Variants in SEMA3C observed in about 807,000 individuals in gnomAD.
SEMA3C encodes the protein semaphorin 3C.
Under a neutral mutation model 89.4 loss-of-function variants are expected in SEMA3C, and 47 were observed. That is an observed-to-expected ratio of 0.53 (90% CI 0.42 to 0.67). SEMA3C has a LOEUF of 0.67. SEMA3C is among the 30% of genes least tolerant of loss of function. The pLI is 0.00. For synonymous variants in SEMA3C, 310 were observed against 320.2 expected, an observed-to-expected ratio of 0.97 and a Z score of 0.34; for missense variants, 839 against 929.1, an observed-to-expected ratio of 0.90 and a Z score of 1.26.
chr7:80,752,904 T>A (rs1412994714), intron 15 of SEMA3C, among the ~76,000 whole-genome samples: 1 of 152,146 alleles, frequency 6.6e-6, no homozygotes, highest in African/African-American at 2.4e-5. Flanking sequence ...CTTAATTGGG[T>A]TAAATGCTAA....
At chr7:80,774,008 T>C (rs1788491844) in intron 12 of SEMA3C, among the ~76,000 whole-genome samples, 1 of 152,160 alleles carries the variant, frequency 6.6e-6, no homozygotes, top group African/African-American at 2.4e-5. Context: ...AAGGCTGAGA[T>C]TTTAAAAGTG....
At chr7:80,873,901 A>C (rs1245838681) in intron 2 of SEMA3C, among the ~76,000 whole-genome samples, 1 of 152,042 alleles carries the variant, frequency 6.6e-6, no homozygotes, top group Non-Finnish European at 1.5e-5. Context: ...TCCTAGCCTT[A>C]TTTGCACCAT....
At chr7:80,856,115 T>C (rs1790632313) in intron 2 of SEMA3C, among the ~76,000 whole-genome samples, 1 of 152,138 alleles carries the variant, frequency 6.6e-6, no homozygotes. Flanking sequence ...TTTTGGAGTA[T>C]TTTTAAATTT....
intron 2 of SEMA3C, among the ~76,000 whole-genome samples, chr7:80,872,502 T>C (rs753060794): frequency 2.3e-4 from 35 of 152,034 alleles, no homozygotes; most frequent in Non-Finnish European, 4.3e-4. Context: ...TCTGTTTTAA[T>C]AGAAGATTGC....
rs188817574 is a variant in SEMA3C, at chr7:80,788,832, A to G, written c.1354+474T>C. ...GAAGTCACAGAGTCTGTTTCAGTTGAAAGGAACACTTACCTCCATGGCTTA... is the reference window on the plus strand; with the variant it reads ...GAAGTCACAGAGTCTGTTTCAGTTGGAAGGAACACTTACCTCCATGGCTTA... On this transcript the variant is annotated intron_variant, in intron 12 of 17. Transcript: ENST00000265361. Among the ~76,000 whole-genome samples the G allele has an allele frequency of 6.2e-3, 944 of 152,280 alleles. 18 individuals carry two copies. Among genetic ancestry groups the G allele is most frequent in the Non-Finnish European group, 6.3e-3 (427 of 68,012 alleles).
intron 14 of SEMA3C, among the ~76,000 whole-genome samples, chr7:80,760,577 G>A (rs1166717583): frequency 6.6e-6 from 1 of 152,164 alleles, no homozygotes; most frequent in Non-Finnish European, 1.5e-5. Context: ...TCAAAAGAGT[G>A]TAAGACTGAC....
chr7:80,750,435 C>CATAT (rs71520704), intron 16 of SEMA3C, among the ~76,000 whole-genome samples: 731 of 70,616 alleles, frequency 0.01, 1 homozygote, highest in African/African-American at 0.017. Context: ...TACATACGTA[C>CATAT]ATATATATAT....
chr7:80,853,115 A>T (rs1215727246), intron 2 of SEMA3C, among the ~76,000 whole-genome samples: 1 of 152,192 alleles, frequency 6.6e-6, no homozygotes, highest in African/African-American at 2.4e-5. Flanking sequence ...AAAAACAGAC[A>T]CTAACGAATG....
At chr7:80,769,548 TAAAGATGAGCTAATAAAAAGATAATGC>T (rs1788378893) in intron 12 of SEMA3C, among the ~76,000 whole-genome samples, 1 of 152,056 alleles carries the variant, frequency 6.6e-6, no homozygotes, top group Non-Finnish European at 1.5e-5. Flanking sequence ...AGAAGGGCTA[TAAAGATGAGCTAATAAAAAGATAATGC>T]AGGCCGGGCA....
intron 2 of SEMA3C, among the ~76,000 whole-genome samples, chr7:80,840,974 T>C (rs1256002026): frequency 6.6e-6 from 1 of 152,128 alleles, no homozygotes; most frequent in Non-Finnish European, 1.5e-5. Context: ...AAAGTTTGCG[T>C]AGAAACCCTC....
At chr7:80,800,950 T>C in intron 9 of SEMA3C, 124 bp from the exon 10 acceptor site, 1 of 481,538 alleles carries the variant, frequency 2.1e-6, no homozygotes, top group Non-Finnish European at 3.7e-6. Context: ...CCTGTACCAT[T>C]ATGGTAATTT....
At chr7:80,831,521 C>A (rs999017933) in intron 2 of SEMA3C, among the ~76,000 whole-genome samples, 6 of 152,058 alleles carry the variant, frequency 3.9e-5, no homozygotes, top group East Asian at 3.9e-4. Context: ...GACTAGAATG[C>A]CTAATTTAGA....
intron 15 of SEMA3C, among the ~76,000 whole-genome samples, chr7:80,755,305 A>G (rs1397691753): frequency 6.6e-6 from 1 of 150,872 alleles, no homozygotes; most frequent in Non-Finnish European, 1.5e-5. Flanking sequence ...CTGGGGTTGT[A>G]ATAGGTGGGA....
intron 2 of SEMA3C, among the ~76,000 whole-genome samples, chr7:80,872,521 C>T (rs1174538263): frequency 2.6e-5 from 4 of 151,896 alleles, no homozygotes; most frequent in South Asian, 4.1e-4. Flanking sequence ...GCTGAATTCT[C>T]GGCCGGGCGT....
At chr7:80,825,983 T>C (rs1340571448) in intron 4 of SEMA3C, among the ~76,000 whole-genome samples, 2 of 152,126 alleles carry the variant, frequency 1.3e-5, no homozygotes, top group African/African-American at 4.8e-5. Flanking sequence ...AACAGATCCC[T>C]TGGATAGCAA....
chr7:80,840,726 C>T (rs940275392), intron 2 of SEMA3C, among the ~76,000 whole-genome samples: 1 of 151,838 alleles, frequency 6.6e-6, no homozygotes, highest in Non-Finnish European at 1.5e-5. Context: ...CTGGAAATAA[C>T]AGAAAAATAT....
intron 2 of SEMA3C, among the ~76,000 whole-genome samples, chr7:80,890,755 T>C (rs374730885): frequency 1.7e-4 from 26 of 152,236 alleles, no homozygotes; most frequent in African/African-American, 6.0e-4. Context: ...AATAACGTCC[T>C]AGCTAATATG....
At chr7:80,895,052 C>G (rs1468240367) in intron 2 of SEMA3C, among the ~76,000 whole-genome samples, 1 of 152,166 alleles carries the variant, frequency 6.6e-6, no homozygotes, top group Non-Finnish European at 1.5e-5. Context: ...ATCCAACTAT[C>G]ACCACCTGAT....
chr7:80,853,920 A>T (rs1174771492), intron 2 of SEMA3C, among the ~76,000 whole-genome samples: 2 of 151,462 alleles, frequency 1.3e-5, no homozygotes, highest in Non-Finnish European at 2.9e-5. Flanking sequence ...GTGTGTGTAT[A>T]CACACCTGCT....
Sources: gnomAD v4.1 joint callset for allele counts (sites outside exome capture counted in the v4.1 genomes callset) on GRCh38, gnomAD v4.1.1 for gene constraint, MANE v1.5 for transcripts, NCBI Gene and HGNC (gene_info 2026-07-23, HGNC 2026-07-21) for gene names.